RPS6KA2: variants seen among roughly 807,000 people sequenced by gnomAD.
RPS6KA2 encodes ribosomal protein S6 kinase A2.
Under a neutral mutation model 91.8 loss-of-function variants are expected in RPS6KA2, and 42 were observed. The observed-to-expected ratio is 0.46, with a 90% CI of 0.36 to 0.59. RPS6KA2 has a LOEUF of 0.59. RPS6KA2 is among the 20% of genes least tolerant of loss of function. The pLI is 0.00. For synonymous variants in RPS6KA2, 414 were observed against 393.6 expected (o/e 1.05, Z -0.61); for missense variants, 798 against 978.5 (o/e 0.82, Z 2.46).
intron 2 of RPS6KA2, among the ~76,000 whole-genome samples, chr6:166,681,262 C>T (rs1318101135): frequency 2.6e-5 from 4 of 152,176 alleles, no homozygotes; most frequent in African/African-American, 7.2e-5. Context: ...CCATACCCCA[C>T]GACAAAAAGA....
intron 3 of RPS6KA2, among the ~76,000 whole-genome samples, chr6:166,510,641 A>G (rs940613480): frequency 3.1e-4 from 40 of 129,678 alleles, no homozygotes; most frequent in African/African-American, 1.0e-3. Context: ...AATTGTAGGC[A>G]GCACGACATG....
chr6:166,430,691 G>A, intron 15 of RPS6KA2, 80 bp from the exon 16 acceptor site: 3 of 1,455,530 alleles, frequency 2.1e-6, no homozygotes, highest in Non-Finnish European at 2.8e-6. Context: ...GGACAGGAGA[G>A]GGAAGTCAGA....
intron 1 of RPS6KA2, among the ~76,000 whole-genome samples, chr6:166,567,928 G>A (rs775592619): frequency 1.3e-5 from 2 of 152,162 alleles, no homozygotes; most frequent in African/African-American, 2.4e-5. Context: ...CAGCTCACCT[G>A]GGGAAAGAGC....
chr6:166,535,837 T>C (rs912071899), intron 2 of RPS6KA2, among the ~76,000 whole-genome samples: 3 of 152,282 alleles, frequency 2.0e-5, no homozygotes, highest in Non-Finnish European at 4.4e-5. Context: ...GCTCTCTAGA[T>C]AGCGATGAAA....
intron 10 of RPS6KA2, among the ~76,000 whole-genome samples, chr6:166,474,610 G>A (rs1387957672): frequency 1.4e-5 from 2 of 138,436 alleles, no homozygotes; most frequent in Non-Finnish European, 3.0e-5. Flanking sequence ...GCAAACTCCT[G>A]TCCTGGGGGG....
chr6:166,780,414 G>A (rs961227656), intron 2 of RPS6KA2, among the ~76,000 whole-genome samples: 2 of 152,208 alleles, frequency 1.3e-5, no homozygotes, highest in Admixed American at 6.5e-5. Context: ...AGAGAGGCCC[G>A]AGCACAGCCT....
At chr6:166,856,588 C>T (rs1326895101) in intron 2 of RPS6KA2, among the ~76,000 whole-genome samples, 1 of 152,208 alleles carries the variant, frequency 6.6e-6, no homozygotes, top group Non-Finnish European at 1.5e-5. Context: ...GGCTCAGGGC[C>T]TTGTCGTCAG....
Position 166,825,559 on chromosome 6 carries a change from G to T in RPS6KA2, c.123+32641C>A, listed in dbSNP as rs1780031191. Among the ~76,000 whole-genome samples, 1 of 150,450 alleles carries T rather than the reference G, an allele frequency of 6.6e-6. No homozygotes were observed. The highest frequency in any genetic ancestry group is 2.5e-5 in the African/African-American group (1 of 39,866). ...TAGCTTAGCTACTTACCCTAGACTG[G>T]GTGGCTTTTAAACAACAGAAATGTA... On this transcript the variant is annotated intron_variant, in intron 2 of 21. Transcript: ENST00000503859. This position sits in a 1 kb window ranked among gnomAD's most constrained non-coding sequence, Gnocchi z 4.1.
Position 166,862,393 on chromosome 6 carries a change from C to T in RPS6KA2, c.-223G>A. 2.2e-6 allele frequency: 3 copies of T among 1,386,480 alleles called. No individual in the cohort carries two copies. In the African/African-American group the frequency reaches 4.4e-5, roughly 20 times the overall value. The allele number at this position is 1,386,480 out of a possible 1,614,324, so 85.9% of individuals were successfully genotyped here. A position where few individuals can be genotyped will look rare whatever the true frequency, so the allele number is the denominator to read the frequency against. ...AGGGACCCGGGGGGCTGCAATATGG[C>T]TGCTCGGGCGCCGTCCCCTCCCTGC... On this transcript the variant is annotated 5_prime_UTR_variant, in exon 1 of 22. Transcript: ENST00000503859.
At position 166,648,185 on chromosome 6, in the gene RPS6KA2, CACACATGCTCAT is replaced by C. The variant is rs1251460657; in HGVS notation, c.124-109413_124-109402del. Among the ~76,000 whole-genome samples the C allele has an allele frequency of 8.7e-4, 97 of 112,012 alleles. No homozygotes were observed. Among genetic ancestry groups the C allele is most frequent in the African/African-American group, 2.9e-3 (93 of 31,724 alleles). 73.5% of individuals were successfully genotyped at this position (112,012 alleles called of 152,430 possible). A position where few individuals can be genotyped will look rare whatever the true frequency, so the allele number is the denominator to read the frequency against. Reference sequence around the variant, plus strand: ...CCATGCACACATGCTCACACACATGCACACATGCTCATACACACACTCATGCACACACACGCA... The same window carrying C: ...CCATGCACACATGCTCACACACATGCACACACACTCATGCACACACACGCA... On this transcript the variant is annotated intron_variant, in intron 2 of 21. Coordinates refer to the RPS6KA2 transcript ENST00000503859. The surrounding 1 kb of genome is among the most constrained non-coding windows in gnomAD (Gnocchi z 4.8).
At chr6:166,727,248 T>C (rs1790362767) in intron 2 of RPS6KA2, among the ~76,000 whole-genome samples, 1 of 152,046 alleles carries the variant, frequency 6.6e-6, no homozygotes, top group Non-Finnish European at 1.5e-5. Flanking sequence ...TGTGAAAGAA[T>C]TGAAAGTAAT....
intron 14 of RPS6KA2, chr6:166,439,954 G>A (rs1189078446): frequency 6.6e-6 from 1 of 152,238 alleles, no homozygotes; most frequent in Non-Finnish European, 1.5e-5. Context: ...TGCAGGTGTG[G>A]GTCAGACTTC....
At chr6:166,663,680 C>A (rs1353397396) in intron 2 of RPS6KA2, among the ~76,000 whole-genome samples, 1 of 152,154 alleles carries the variant, frequency 6.6e-6, no homozygotes, top group Non-Finnish European at 1.5e-5. Flanking sequence ...GGGAAGCTGC[C>A]GCCAGAGGCC....
rs149148316 is a variant in RPS6KA2 at position 166,494,846 on chromosome 6, C to T, written c.747+3662G>A. Among the ~76,000 whole-genome samples, 345 of 152,342 alleles carry T rather than the reference C, an allele frequency of 2.3e-3. 3 individuals carry two copies. The highest frequency in any genetic ancestry group is 2.1e-3 in the Non-Finnish European group (143 of 68,030). ...ACATGAGGACCACTCCCTCAGCACGCGGCCTCCAGGGTCTCAGCCTTCTTT... is the reference window on the plus strand; with the variant it reads ...ACATGAGGACCACTCCCTCAGCACGTGGCCTCCAGGGTCTCAGCCTTCTTT... On this transcript the variant is annotated intron_variant, in intron 8 of 20. Transcript: ENST00000265678. This position sits in a 1 kb window ranked among gnomAD's most constrained non-coding sequence, Gnocchi z 5.1.
chr6:166,636,456 A>G (rs1208810782), intron 2 of RPS6KA2, among the ~76,000 whole-genome samples: 1 of 152,180 alleles, frequency 6.6e-6, no homozygotes, highest in African/African-American at 2.4e-5. Flanking sequence ...ACTCTCTAGA[A>G]CACCTCATGC....
chr6:166,714,293 A>T (rs1789950162), intron 2 of RPS6KA2, among the ~76,000 whole-genome samples: 1 of 152,232 alleles, frequency 6.6e-6, no homozygotes, highest in Admixed American at 6.5e-5. Flanking sequence ...GAAACACAGA[A>T]AAGGCATTTG....
upstream of RPS6KA2, chr6:166,628,032 A>G (rs985883271): frequency 2.0e-5 from 3 of 152,010 alleles, no homozygotes; most frequent in African/African-American, 7.2e-5. Flanking sequence ...CCGCGGCTGC[A>G]GAACAAAGAC....
intron 2 of RPS6KA2, among the ~76,000 whole-genome samples, chr6:166,778,965 G>C (rs2128609630): frequency 6.6e-6 from 1 of 152,354 alleles, no homozygotes; most frequent in East Asian, 1.9e-4. Flanking sequence ...CTGCTTTGGA[G>C]AGCAGTTTGT....
intron 2 of RPS6KA2, among the ~76,000 whole-genome samples, chr6:166,842,915 A>G (rs1780521103): frequency 6.6e-6 from 1 of 152,098 alleles, no homozygotes; most frequent in Non-Finnish European, 1.5e-5. Flanking sequence ...CTTTGAAGGA[A>G]CTTTATCGCT....
Sources: gnomAD v4.1 joint callset for allele counts (sites outside exome capture counted in the v4.1 genomes callset) on GRCh38, gnomAD v4.1.1 for gene constraint, Gnocchi (gnomAD v3.1) non-coding constraint, MANE v1.5 for transcripts, NCBI Gene and HGNC (gene_info 2026-07-23, HGNC 2026-07-21) for gene names.